The following ZNF618 variants were observed in gnomAD, a reference collection of about 807,000 sequenced individuals.
ZNF618 encodes neural precursor cell expressed, developmentally down-regulated 10.
A neutral mutation model predicts 103.0 loss-of-function variants in ZNF618; 34 were observed. The ratio of observed to expected loss-of-function variants is 0.33; its 90% CI spans 0.25 to 0.44. ZNF618 has a LOEUF of 0.44. Among genes scored for constraint, ZNF618 ranks in the 20% least tolerant of loss-of-function variants. The pLI is 1.00. For missense variants in ZNF618, 1,059 were observed against 1,295.4 expected (o/e 0.82, Z 2.80); for synonymous variants, 551 against 542.2 (o/e 1.02, Z -0.23).
chr9:114,030,480 A>C (rs565497138), intron 11 of ZNF618, among the ~76,000 whole-genome samples: 1 of 152,248 alleles, frequency 6.6e-6, no homozygotes, highest in African/African-American at 2.4e-5. Flanking sequence ...GTTTCTGCAG[A>C]GGGCGGCCCA....
chr9:113,934,168 C>G (rs1017454416), intron 1 of ZNF618, among the ~76,000 whole-genome samples: 2 of 152,144 alleles, frequency 1.3e-5, no homozygotes, highest in African/African-American at 4.8e-5. Context: ...GGGCCCAACT[C>G]ACGGGCACAC....
chr9:113,944,011 G>A (rs1219333275), intron 1 of ZNF618, among the ~76,000 whole-genome samples: 3 of 152,216 alleles, frequency 2.0e-5, no homozygotes, highest in Non-Finnish European at 2.9e-5. Context: ...GATGGGGAAC[G>A]TGATGGGTGA....
In ZNF618 at chr9:114,008,376, G is replaced by C. The variant is rs376109951; in HGVS notation, c.673G>C (p.Ala225Pro). Residue 225 changes from alanine (A) to proline (P), a missense_variant, in exon 8 of 15, where the codon GCA (alanine) becomes CCA (proline). By Grantham distance (27) the Ala-to-Pro change is conservative. Transcript: ENST00000374126. ...FSVEGAPENR[A>P]DPFDQGVVAT... ...TGTGGAAGGGGCCCCTGAGAACCGG[G>C]CAGGTAAGTCCTTGGTGTCTGCTTG... The C allele has an allele frequency of 6.1e-5, 99 of 1,613,996 alleles. No individual in the cohort carries two copies. The African/African-American group carries it at 1.2e-3, about 20-fold the overall frequency.
intron 2 of ZNF618, among the ~76,000 whole-genome samples, chr9:113,980,454 C>G (rs922663977): frequency 2.0e-5 from 3 of 152,168 alleles, no homozygotes; most frequent in Non-Finnish European, 4.4e-5. Flanking sequence ...ACTAAAGAGT[C>G]TAGCTGTATA....
chr9:113,997,478 T>C (rs931859278), intron 3 of ZNF618, among the ~76,000 whole-genome samples: 4 of 152,188 alleles, frequency 2.6e-5, no homozygotes, highest in African/African-American at 7.2e-5. Flanking sequence ...CGACCTCTGG[T>C]GCTATTCGTT....
At chr9:113,886,740 A>G (rs1829103388) in intron 1 of ZNF618, among the ~76,000 whole-genome samples, 1 of 152,032 alleles carries the variant, frequency 6.6e-6, no homozygotes, top group South Asian at 2.1e-4. Flanking sequence ...GGTAACAGAT[A>G]GCATCTAAGC....
intron 1 of ZNF618, among the ~76,000 whole-genome samples, chr9:113,943,257 C>T (rs898486334): frequency 1.3e-5 from 2 of 152,178 alleles, no homozygotes; most frequent in African/African-American, 2.4e-5. Flanking sequence ...GCGGTAAGTG[C>T]GAACTCTGCT....
At chr9:113,921,935 C>T (rs1485779689) in intron 1 of ZNF618, among the ~76,000 whole-genome samples, 2 of 151,634 alleles carry the variant, frequency 1.3e-5, no homozygotes, top group African/African-American at 2.4e-5. Flanking sequence ...AATACATGTT[C>T]GCTGTTGAAC....
At chr9:113,920,331 G>A (rs1195230295) in intron 1 of ZNF618, among the ~76,000 whole-genome samples, 1 of 152,038 alleles carries the variant, frequency 6.6e-6, no homozygotes, top group African/African-American at 2.4e-5. Flanking sequence ...TCCATGTAGT[G>A]TGCTGTAGTG....
Position 114,016,737 on chromosome 9 carries a change from A to G in ZNF618, c.797A>G (p.Lys266Arg), listed in dbSNP as rs370542948. The change falls in exon 10 of 15, where the codon AAG becomes AGG. Residue 266 changes from lysine (K) to arginine (R), a missense_variant. Coordinates refer to ENST00000374126, the MANE Select transcript of ZNF618 (RefSeq NM_001318042.2). Reference protein sequence around the residue: ...YTCEFCGKQYKYYTPYQEHVA... With the variant: ...YTCEFCGKQYRYYTPYQEHVA... Reference sequence around the variant, plus strand: ...TGTGAATTCTGCGGCAAACAGTACAAGTACTACACTCCCTACCAGGAGCAT... The same window carrying G: ...TGTGAATTCTGCGGCAAACAGTACAGGTACTACACTCCCTACCAGGAGCAT... 2.1e-5 allele frequency: 34 copies of G among 1,613,738 alleles called. No individual in the cohort carries two copies. Among genetic ancestry groups the G allele is most frequent in the Non-Finnish European group, 2.5e-5 (30 of 1,179,776 alleles).
intron 1 of ZNF618, among the ~76,000 whole-genome samples, chr9:113,957,777 G>A (rs547256581): frequency 3.1e-4 from 47 of 149,816 alleles, no homozygotes; most frequent in African/African-American, 1.1e-3. Context: ...TTTATAATAG[G>A]TTTTTCTCTC....
intron 1 of ZNF618, among the ~76,000 whole-genome samples, chr9:113,943,342 G>A (rs1460323943): frequency 1.3e-5 from 2 of 152,162 alleles, no homozygotes; most frequent in Non-Finnish European, 2.9e-5. Context: ...GAGGCTCAAG[G>A]GGGAGAGAGG....
rs534222730 is a variant in ZNF618 at position 113,956,608 on chromosome 9, C to T, written c.34-12509C>T. The stretch of plus-strand genomic sequence containing the variant: ...AGCTGAAAACAGCAGGCCACCCTCA[C>T]GGAAACTACAGTTTGGTGGGGAGCA... On this transcript the variant is annotated intron_variant, in intron 1 of 14. Transcript: ENST00000374126. Among the ~76,000 whole-genome samples the T allele has an allele frequency of 4.3e-4, 66 of 152,268 alleles. 1 individual carries two copies. The South Asian group carries it at 0.011, about 26-fold the overall frequency.
intron 1 of ZNF618, among the ~76,000 whole-genome samples, chr9:113,898,844 G>A (rs1830268809): frequency 6.6e-6 from 1 of 152,202 alleles, no homozygotes; most frequent in Non-Finnish European, 1.5e-5. Context: ...TGGTGAAGCT[G>A]CGCTGGGAAG....
intron 13 of ZNF618, 55 bp from the exon 14 acceptor site, chr9:114,047,837 TC>T: frequency 6.8e-7 from 1 of 1,470,996 alleles, no homozygotes; most frequent in African/African-American, 1.4e-5. Context: ...CTCATCTCGT[TC>T]CTCAACAGGC....
intron 3 of ZNF618, among the ~76,000 whole-genome samples, chr9:113,990,766 C>T (rs7023499): frequency 0.59 from 89,734 of 151,992 alleles, 26,978 homozygotes; most frequent in Middle Eastern, 0.73. Context: ...TGGGAAATGC[C>T]GTCCTCCCAT....
At chr9:114,038,553 C>A (rs1588432233) in intron 13 of ZNF618, among the ~76,000 whole-genome samples, 1 of 152,302 alleles carries the variant, frequency 6.6e-6, no homozygotes, top group South Asian at 2.1e-4. Context: ...GGAGGATCAG[C>A]CTTGAATAAC....
intron 1 of ZNF618, among the ~76,000 whole-genome samples, chr9:113,878,385 A>C (rs1473072767): frequency 6.6e-6 from 1 of 152,174 alleles, no homozygotes; most frequent in African/African-American, 2.4e-5. Context: ...ATACAAACAA[A>C]AGCCAAACCC....
At chr9:114,001,436 G>T (rs1219733730) in intron 4 of ZNF618, among the ~76,000 whole-genome samples, 1 of 152,150 alleles carries the variant, frequency 6.6e-6, no homozygotes, top group African/African-American at 2.4e-5. Flanking sequence ...CTACGAGGTA[G>T]GTGCATGTGG....
Sources: allele counts gnomAD v4.1 joint callset (sites outside exome capture counted in the v4.1 genomes callset), GRCh38; gene constraint gnomAD v4.1.1; transcripts MANE v1.5; gene names NCBI Gene and HGNC (gene_info 2026-07-23, HGNC 2026-07-21).